Variants in GMDS observed in about 807,000 individuals in gnomAD.
GMDS encodes GDP-mannose 4,6-dehydratase, also known as GDP-mannose 4,6 dehydratase.
A neutral mutation model predicts 49.9 loss-of-function variants in GMDS; 20 were observed. The ratio of observed to expected loss-of-function variants is 0.40; its 90% confidence interval spans 0.28 to 0.58. GMDS has a LOEUF of 0.58. Ranked by LOEUF, GMDS falls within the 20% of genes least tolerant of loss-of-function variation. GMDS has a pLI of 0.42. For synonymous variants in GMDS, 177 were observed against 178.6 expected, an observed-to-expected ratio of 0.99 and a Z score of 0.07; for missense variants, 362 against 481.4, an observed-to-expected ratio of 0.75 and a Z score of 2.32.
chr6:2,223,989 T>A (rs575232727), intron 1 of GMDS, among the ~76,000 whole-genome samples: 113 of 151,970 alleles, frequency 7.4e-4, no homozygotes, highest in African/African-American at 2.7e-3. Flanking sequence ...GACAAAGAGG[T>A]ACAAGGAAAA....
intron 9 of GMDS, among the ~76,000 whole-genome samples, chr6:1,667,490 T>C (rs1352036238): frequency 6.6e-6 from 1 of 152,186 alleles, no homozygotes; most frequent in Non-Finnish European, 1.5e-5. Flanking sequence ...AAGTCAGCAG[T>C]GAGAAGAAGC....
chr6:1,689,556 T>C (rs948152947), intron 9 of GMDS, among the ~76,000 whole-genome samples: 5 of 152,210 alleles, frequency 3.3e-5, no homozygotes, highest in African/African-American at 1.2e-4. Context: ...ACAATGGATA[T>C]TAGGAGTAAA....
chr6:2,103,883 T>C (rs1774065856), intron 4 of GMDS, among the ~76,000 whole-genome samples: 2 of 152,242 alleles, frequency 1.3e-5, no homozygotes, highest in African/African-American at 2.4e-5. Flanking sequence ...GCAAATGCAT[T>C]CTTAAGCAAT....
At chr6:1,869,955 G>A (rs960560943) in intron 7 of GMDS, among the ~76,000 whole-genome samples, 1 of 152,230 alleles carries the variant, frequency 6.6e-6, no homozygotes, top group Admixed American at 6.5e-5. Context: ...TTCTGCCGCA[G>A]GGTGGGTACA....
chr6:1,709,897 G>A (rs1316005365), intron 9 of GMDS, among the ~76,000 whole-genome samples: 1 of 152,196 alleles, frequency 6.6e-6, no homozygotes, highest in Non-Finnish European at 1.5e-5. Flanking sequence ...TAACTCGACT[G>A]AGGCAGGGTA....
At chr6:2,052,891 T>C (rs145380577) in intron 4 of GMDS, among the ~76,000 whole-genome samples, 98 of 152,314 alleles carry the variant, frequency 6.4e-4, no homozygotes, top group African/African-American at 1.8e-3. Flanking sequence ...AGAGCCTCTG[T>C]CTACACTAAC....
At chr6:1,821,761 T>G (rs1770911776) in intron 7 of GMDS, among the ~76,000 whole-genome samples, 3 of 152,106 alleles carry the variant, frequency 2.0e-5, no homozygotes, top group Admixed American at 2.0e-4. Flanking sequence ...GCTTGTAGTT[T>G]GAAATTTGAA....
intron 1 of GMDS, among the ~76,000 whole-genome samples, chr6:2,235,939 T>G (rs551543156): frequency 1.4e-3 from 209 of 152,304 alleles, no homozygotes; most frequent in Middle Eastern, 0.014. Flanking sequence ...CTCTCCAGTT[T>G]CTGCATGTCT....
At chr6:2,055,641 G>C (rs1032705800) in intron 4 of GMDS, among the ~76,000 whole-genome samples, 1 of 152,030 alleles carries the variant, frequency 6.6e-6, no homozygotes, top group African/African-American at 2.4e-5. Context: ...CACTAAATTG[G>C]ACTCCCCTTG....
chr6:1,821,079 G>A (rs1770867905), intron 7 of GMDS, among the ~76,000 whole-genome samples: 2 of 152,140 alleles, frequency 1.3e-5, no homozygotes, highest in Admixed American at 1.3e-4. Flanking sequence ...ATATATGGAT[G>A]CATATACTGC....
Position 2,221,132 on chromosome 6 carries a change from A to G in GMDS, c.102+24189T>C, listed in dbSNP as rs1453153780. On this transcript the variant is annotated intron_variant, in intron 1 of 10. Transcript: ENST00000380815. ...CTTGAATCTAAGAGTTTGAGGTTAC[A>G]GGAGCCACTGTACTCCAGCCTAGGC... Among the ~76,000 whole-genome samples the G allele has an allele frequency of 2.6e-5, 4 of 152,162 alleles. No individual in the cohort carries two copies. In the East Asian group the frequency reaches 7.7e-4, roughly 29 times the overall value.
At chr6:2,158,984 TTTA>T (rs1342032430) in intron 1 of GMDS, among the ~76,000 whole-genome samples, 4 of 152,114 alleles carry the variant, frequency 2.6e-5, no homozygotes, top group Non-Finnish European at 5.9e-5. Flanking sequence ...TAGGTTGGGG[TTTA>T]GAAGGAAGAT....
chr6:1,764,899 A>G (rs1768289432), intron 7 of GMDS, among the ~76,000 whole-genome samples: 1 of 152,210 alleles, frequency 6.6e-6, no homozygotes, highest in East Asian at 1.9e-4. Flanking sequence ...TTGCAATTTC[A>G]AGAAAATAAA....
At chr6:1,884,035 TTAATG>T (rs1759487316) in intron 7 of GMDS, among the ~76,000 whole-genome samples, 1 of 152,190 alleles carries the variant, frequency 6.6e-6, no homozygotes, top group African/African-American at 2.4e-5. Context: ...AGATTTTGAT[TTAATG>T]TAATTACAAT....
At position 2,242,643 on chromosome 6, in the gene GMDS, C is replaced by T. The variant is rs766155624; in HGVS notation, c.102+2678G>A. Among the ~76,000 whole-genome samples, 66 of 152,192 alleles carry T rather than the reference C, an allele frequency of 4.3e-4. 1 individual carries two copies. Among genetic ancestry groups the T allele is most frequent in the Middle Eastern group, 3.2e-3 (1 of 314 alleles). On this transcript the variant is annotated intron_variant, in intron 1 of 10. Coordinates refer to ENST00000380815, the MANE Select transcript of GMDS (RefSeq NM_001500.4). The stretch of plus-strand genomic sequence containing the variant: ...TAAGACTATTTATTTCTCTCTGTCT[C>T]ATAAGGCTCACCACAGTCTGTATAA...
intron 9 of GMDS, among the ~76,000 whole-genome samples, chr6:1,658,746 A>C (rs1254570444): frequency 6.6e-6 from 1 of 152,294 alleles, no homozygotes; most frequent in Non-Finnish European, 1.5e-5. Context: ...TTCTGCTCAC[A>C]GACAGGAACT....
chr6:1,856,770 C>T (rs17134379), intron 7 of GMDS, among the ~76,000 whole-genome samples: 2,082 of 152,254 alleles, frequency 0.014, 42 homozygotes, highest in African/African-American at 0.048. Flanking sequence ...ATATTCCATC[C>T]TAGACATCTT....
intron 1 of GMDS, among the ~76,000 whole-genome samples, chr6:2,216,745 TC>T (rs1780353376): frequency 6.6e-6 from 1 of 152,118 alleles, no homozygotes; most frequent in Non-Finnish European, 1.5e-5. Context: ...TGTAATATAA[TC>T]ACTAGGATTC....
Position 2,047,247 on chromosome 6 carries a change from C to T in GMDS, c.345+68524G>A, listed in dbSNP as rs73412545. On this transcript the variant is annotated intron_variant, in intron 4 of 10. Coordinates refer to ENST00000380815, the MANE Select transcript of GMDS (RefSeq NM_001500.4). ...TTTTGGCCATTCTCTTTGTACTGCC[C>T]TGCATAGTTCAAGTTATATTAAGAG... Among the ~76,000 whole-genome samples the T allele has an allele frequency of 4.5e-3, 686 of 152,254 alleles. 4 individuals carry two copies. The highest frequency in any genetic ancestry group is 0.016 in the African/African-American group (649 of 41,550).
Sources: allele counts gnomAD v4.1 joint callset (sites outside exome capture counted in the v4.1 genomes callset), GRCh38; gene constraint gnomAD v4.1.1; transcripts MANE v1.5; gene names NCBI Gene and HGNC (gene_info 2026-07-23, HGNC 2026-07-21).